NMNAT2: variants seen among roughly 807,000 people sequenced by gnomAD.
NMNAT2 encodes nicotinamide/nicotinic acid mononucleotide adenylyltransferase 2.
NMNAT2 carries 11 observed loss-of-function variants against 41.6 expected under a neutral mutation model. The observed-to-expected ratio is 0.26, with a 90% CI of 0.17 to 0.44. The LOEUF is 0.44. NMNAT2 is among the 20% of genes least tolerant of loss of function. NMNAT2 has a pLI of 1.00. For missense variants in NMNAT2, 288 were observed against 407.7 expected (o/e 0.71, Z 2.53); for synonymous variants, 148 against 151.2 (o/e 0.98, Z 0.16).
At chr1:183,270,006 C>T (rs1245384625) in intron 8 of NMNAT2, among the ~76,000 whole-genome samples, 1 of 152,164 alleles carries the variant, frequency 6.6e-6, no homozygotes, top group African/African-American at 2.4e-5. Flanking sequence ...GCCTCAGCCT[C>T]CCAAGTAGCT....
chr1:183,370,116 C>T (rs889384094), intron 1 of NMNAT2, among the ~76,000 whole-genome samples: 1 of 151,902 alleles, frequency 6.6e-6, no homozygotes, highest in Non-Finnish European at 1.5e-5. Context: ...AGAAGGGTGG[C>T]AAAGGGCTCC....
chr1:183,295,168 T>A (rs192023337), intron 1 of NMNAT2, among the ~76,000 whole-genome samples: 304 of 152,236 alleles, frequency 2.0e-3, no homozygotes, highest in Admixed American at 4.1e-3. Flanking sequence ...CATGGTTGGC[T>A]AATTTTTGTA....
chr1:183,392,094 T>A (rs1434490272), intron 1 of NMNAT2, among the ~76,000 whole-genome samples: 1 of 152,208 alleles, frequency 6.6e-6, no homozygotes, highest in Non-Finnish European at 1.5e-5. Context: ...ATTTTTATTT[T>A]TGGCTCAGGC....
At chr1:183,309,722 C>T (rs1293449905) in intron 1 of NMNAT2, among the ~76,000 whole-genome samples, 2 of 152,172 alleles carry the variant, frequency 1.3e-5, no homozygotes, top group African/African-American at 4.8e-5. Flanking sequence ...TGGATGGCAG[C>T]ACTGTCCCCC....
chr1:183,292,896 G>A (rs200400377), intron 2 of NMNAT2, 39 bp from the exon 3 acceptor site: 25 of 1,595,452 alleles, frequency 1.6e-5, no homozygotes, highest in African/African-American at 1.1e-4. Flanking sequence ...GACTCCCTCC[G>A]TTCCCCACAA....
chr1:183,286,148 T>C (rs1661392222), intron 5 of NMNAT2, among the ~76,000 whole-genome samples: 1 of 152,228 alleles, frequency 6.6e-6, no homozygotes. Context: ...CCCCAGTCCC[T>C]GCAACCTCCT....
chr1:183,377,817 G>T (rs1663712700), intron 1 of NMNAT2, among the ~76,000 whole-genome samples: 1 of 152,084 alleles, frequency 6.6e-6, no homozygotes, highest in Non-Finnish European at 1.5e-5. Flanking sequence ...TATCAGATTA[G>T]GAATTCAAAA....
At position 183,388,236 on chromosome 1, in the gene NMNAT2, G is replaced by A. The variant is rs575232352; in HGVS notation, c.85+29947C>T. ...GACTACTAGAGAAAAGATGAGCCATGAGCAGGAAGACAGCCTGGTAAACTG... is the reference window on the plus strand; with the variant it reads ...GACTACTAGAGAAAAGATGAGCCATAAGCAGGAAGACAGCCTGGTAAACTG... On this transcript the variant is annotated intron_variant, in intron 1 of 10. Transcript: ENST00000287713. 1.3e-3 allele frequency among the ~76,000 whole-genome samples: 203 copies of A among 152,324 alleles called. 2 individuals carry two copies. Among genetic ancestry groups the A allele is most frequent in the African/African-American group, 4.7e-3 (196 of 41,576 alleles).
At chr1:183,405,251 G>T (rs1294718859) in intron 1 of NMNAT2, among the ~76,000 whole-genome samples, 2 of 151,952 alleles carry the variant, frequency 1.3e-5, no homozygotes, top group African/African-American at 2.4e-5. Context: ...TCTCACCTTC[G>T]AAACAATAGG....
chr1:183,258,965 C>T (rs1037835075), intron 10 of NMNAT2, among the ~76,000 whole-genome samples: 2 of 152,160 alleles, frequency 1.3e-5, no homozygotes, highest in Non-Finnish European at 2.9e-5. Context: ...TCTGGTCTCC[C>T]GCACAGCCGG....
At chr1:183,283,779 C>T in intron 7 of NMNAT2, 1 of 599,596 alleles carries the variant, frequency 1.7e-6, no homozygotes, top group South Asian at 1.8e-5. Flanking sequence ...TGATCCAGTC[C>T]TATCTCTTGG....
At chr1:183,278,901 C>G (rs1661193227) in intron 7 of NMNAT2, among the ~76,000 whole-genome samples, 2 of 152,280 alleles carry the variant, frequency 1.3e-5, no homozygotes, top group Middle Eastern at 3.4e-3. Flanking sequence ...ACTGCCCTGG[C>G]TTTCCCAGGA....
chr1:183,379,667 C>T (rs1663760893), intron 1 of NMNAT2, among the ~76,000 whole-genome samples: 2 of 152,090 alleles, frequency 1.3e-5, no homozygotes, highest in Admixed American at 1.3e-4. Context: ...ATTCAAGTCA[C>T]CAAGAAGACA....
At chr1:183,270,589 C>T (rs1382649410) in intron 8 of NMNAT2, among the ~76,000 whole-genome samples, 1 of 152,030 alleles carries the variant, frequency 6.6e-6, no homozygotes, top group African/African-American at 2.4e-5. Flanking sequence ...TGAAATCATC[C>T]CCACTCCCAC....
chr1:183,287,816 G>C (rs1661435947), intron 4 of NMNAT2, among the ~76,000 whole-genome samples: 1 of 152,216 alleles, frequency 6.6e-6, no homozygotes. Flanking sequence ...CAGGCCCAAG[G>C]CTGGGGTGAT....
At chr1:183,374,283 G>A (rs1352121498) in intron 1 of NMNAT2, among the ~76,000 whole-genome samples, 1 of 122,018 alleles carries the variant, frequency 8.2e-6, no homozygotes, top group Non-Finnish European at 1.9e-5. Context: ...ATAGACTTCA[G>A]GAATCTGCTT....
At chr1:183,269,100 A>C (rs1660914590) in intron 8 of NMNAT2, among the ~76,000 whole-genome samples, 1 of 152,164 alleles carries the variant, frequency 6.6e-6, no homozygotes, top group African/African-American at 2.4e-5. Context: ...AGAAAACATC[A>C]AATAGAGTTA....
chr1:183,327,070 G>T, intron 1 of NMNAT2, among the ~76,000 whole-genome samples: 1 of 118,896 alleles, frequency 8.4e-6, no homozygotes, highest in African/African-American at 2.9e-5. Context: ...ATTTATTTTT[G>T]AGACAGAGCT....
chr1:183,306,095 T>C (rs1244431964), intron 1 of NMNAT2, among the ~76,000 whole-genome samples: 2 of 152,002 alleles, frequency 1.3e-5, no homozygotes, highest in African/African-American at 4.8e-5. Flanking sequence ...TGGAACAGAG[T>C]TCCCTTCTAG....
Sources: gnomAD v4.1 joint callset for allele counts (sites outside exome capture counted in the v4.1 genomes callset) on GRCh38, gnomAD v4.1.1 for gene constraint, MANE v1.5 for transcripts, NCBI Gene and HGNC (gene_info 2026-07-23, HGNC 2026-07-21) for gene names.